The following EHBP1 variants were observed in gnomAD, a reference collection of about 807,000 sequenced individuals.
EHBP1 encodes EH domain binding protein 1.
EHBP1 carries 55 observed loss-of-function variants against 144.0 expected under a neutral mutation model. The ratio of observed to expected loss-of-function variants is 0.38; its 90% CI spans 0.31 to 0.48. The LOEUF is 0.48. EHBP1 is among the 20% of genes least tolerant of loss of function. The pLI, the probability that EHBP1 is intolerant of heterozygous loss-of-function variation, is 0.98. For missense variants in EHBP1, 1,200 were observed against 1,364.2 expected (o/e 0.88, Z 1.90); for synonymous variants, 469 against 472.7 (o/e 0.99, Z 0.10).
intron 13 of EHBP1, among the ~76,000 whole-genome samples, chr2:62,953,703 T>G (rs894850285): frequency 1.3e-5 from 2 of 152,182 alleles, no homozygotes; most frequent in Non-Finnish European, 2.9e-5. Flanking sequence ...ATGTTTATTT[T>G]TTTCTTTTTA....
intron 7 of EHBP1, among the ~76,000 whole-genome samples, chr2:62,847,915 G>T (rs1290406666): frequency 6.6e-6 from 1 of 151,838 alleles, no homozygotes; most frequent in Non-Finnish European, 1.5e-5. Flanking sequence ...TTTTAATCAG[G>T]GAGATGCAAA....
At chr2:62,903,723 A>C (rs1394628714) in intron 10 of EHBP1, among the ~76,000 whole-genome samples, 1 of 152,098 alleles carries the variant, frequency 6.6e-6, no homozygotes, top group South Asian at 2.1e-4. Flanking sequence ...CCATGTTTGC[A>C]CCATTGCACT....
intron 5 of EHBP1, among the ~76,000 whole-genome samples, chr2:62,776,544 C>G (rs1436085564): frequency 1.3e-5 from 2 of 152,122 alleles, no homozygotes; most frequent in Non-Finnish European, 2.9e-5. Flanking sequence ...TTTTCCATTC[C>G]TTTCTACCAC....
chr2:62,726,153 A>G (rs2036769073), intron 2 of EHBP1, among the ~76,000 whole-genome samples: 1 of 152,144 alleles, frequency 6.6e-6, no homozygotes, highest in Admixed American at 6.5e-5. Context: ...GCTGTGCCCT[A>G]TTACAGATGC....
chr2:62,758,276 G>A (rs1388415812), intron 3 of EHBP1, among the ~76,000 whole-genome samples: 1 of 151,862 alleles, frequency 6.6e-6, no homozygotes, highest in Non-Finnish European at 1.5e-5. Flanking sequence ...ACCTGGCTAA[G>A]TTTTGTATTT....
chr2:62,834,215 A>G (rs1286052254), intron 7 of EHBP1, among the ~76,000 whole-genome samples: 1 of 152,236 alleles, frequency 6.6e-6, no homozygotes, highest in Non-Finnish European at 1.5e-5. Context: ...ATATCACATC[A>G]ACTTTGATAA....
intron 9 of EHBP1, among the ~76,000 whole-genome samples, chr2:62,870,736 T>A (rs1035186973): frequency 1.1e-4 from 14 of 126,964 alleles, no homozygotes; most frequent in East Asian, 6.4e-4. Flanking sequence ...AAAAAAAAAA[T>A]ACATATATAT....
intron 5 of EHBP1, among the ~76,000 whole-genome samples, chr2:62,804,293 A>G (rs898228476): frequency 6.6e-6 from 1 of 152,212 alleles, no homozygotes; most frequent in African/African-American, 2.4e-5. Flanking sequence ...GAGAAAAAAA[A>G]CCTTGACAAA....
chr2:62,780,446 T>G (rs999245207), intron 5 of EHBP1, among the ~76,000 whole-genome samples: 25 of 152,120 alleles, frequency 1.6e-4, no homozygotes, highest in African/African-American at 6.0e-4. Context: ...TGGTTGCATT[T>G]CAGAGAAATT....
At chr2:62,729,336 A>G in intron 2 of EHBP1, among the ~76,000 whole-genome samples, 1 of 126,284 alleles carries the variant, frequency 7.9e-6, no homozygotes, top group Admixed American at 9.9e-5. Flanking sequence ...ATAATATAAT[A>G]TATATAATAT....
intron 2 of EHBP1, among the ~76,000 whole-genome samples, chr2:62,713,869 G>A (rs1366541971): frequency 6.6e-6 from 1 of 152,032 alleles, no homozygotes; most frequent in Non-Finnish European, 1.5e-5. Context: ...TACATATTGT[G>A]TTTTTTCCAG....
At chr2:62,726,117 C>G (rs949771689) in intron 2 of EHBP1, among the ~76,000 whole-genome samples, 1 of 152,152 alleles carries the variant, frequency 6.6e-6, no homozygotes, top group Non-Finnish European at 1.5e-5. Context: ...GGGAGCAAGT[C>G]AAGCCTAGGG....
intron 10 of EHBP1, among the ~76,000 whole-genome samples, chr2:62,890,303 G>A (rs868381726): frequency 3.9e-5 from 6 of 152,252 alleles, no homozygotes; most frequent in South Asian, 2.1e-4. Flanking sequence ...GATGGGAACA[G>A]CATTTTATCT....
intron 19 of EHBP1, among the ~76,000 whole-genome samples, chr2:63,020,603 A>T (rs976940681): frequency 9.9e-5 from 15 of 152,050 alleles, no homozygotes; most frequent in Non-Finnish European, 1.6e-4. Context: ...GAGGATGAGC[A>T]CTCAATACGA....
Position 62,949,038 on chromosome 2 carries a change from A to G in EHBP1, c.2192A>G (p.Tyr731Cys), listed in dbSNP as rs1574197691. The part of the protein sequence containing the change: ...TSLSPTSKLG[Y>C]SYSRDLDLAK... ...TTATCTCCTACTTCTAAACTTGGAT[A>G]CTCATATAGTAGAGATCTAGACCTT... Residue 731 changes from tyrosine to cysteine, a missense_variant, in exon 13 of 23, where the codon TAC becomes TGC. Physicochemically the swap from Tyr to Cys is radical, Grantham distance 194. Coordinates refer to ENST00000431489, the MANE Select transcript of EHBP1 (RefSeq NM_001142616.3). The G allele has an allele frequency of 2.5e-6, 4 of 1,613,720 alleles. No individual in the cohort carries two copies. The highest frequency in any genetic ancestry group is 1.7e-5 in the Admixed American group (1 of 59,956).
At position 62,988,979 on chromosome 2, in the gene EHBP1, C is replaced by G. The variant is rs147773463; in HGVS notation, c.2609-1737C>G. Reference sequence around the variant, plus strand: ...AAACAGGTGACCAGGGTTTTCCTGACTATAACGAACACTCAAGAAAACTCA... The same window carrying G: ...AAACAGGTGACCAGGGTTTTCCTGAGTATAACGAACACTCAAGAAAACTCA... On this transcript the variant is annotated intron_variant, in intron 15 of 22. Transcript: ENST00000431489. 2.6e-3 allele frequency among the ~76,000 whole-genome samples: 394 copies of G among 152,236 alleles called. 2 individuals carry two copies. The highest frequency in any genetic ancestry group is 8.7e-3 in the African/African-American group (362 of 41,558).
chr2:62,816,334 A>G (rs2045448336), intron 5 of EHBP1, among the ~76,000 whole-genome samples: 1 of 152,220 alleles, frequency 6.6e-6, no homozygotes, highest in Non-Finnish European at 1.5e-5. Context: ...TATTCTTCAT[A>G]AAACATGTTA....
chr2:62,985,961 T>C (rs1050191150), intron 15 of EHBP1, among the ~76,000 whole-genome samples: 2 of 152,214 alleles, frequency 1.3e-5, no homozygotes, highest in African/African-American at 4.8e-5. Flanking sequence ...ACAGTGTTTT[T>C]CATATTGTGT....
chr2:62,912,672 G>A (rs925782977), intron 10 of EHBP1, among the ~76,000 whole-genome samples: 5 of 152,144 alleles, frequency 3.3e-5, no homozygotes, highest in Non-Finnish European at 5.9e-5. Flanking sequence ...ATGTTAAAGT[G>A]TATTTAAATA....
Sources: gnomAD v4.1 joint callset for allele counts (sites outside exome capture counted in the v4.1 genomes callset) on GRCh38, gnomAD v4.1.1 for gene constraint, MANE v1.5 for transcripts, NCBI Gene and HGNC (gene_info 2026-07-23, HGNC 2026-07-21) for gene names.